Variants in APBA2 observed in about 807,000 individuals in gnomAD.
APBA2 encodes the protein amyloid beta precursor protein binding family A member 2.
APBA2 carries 30 observed loss-of-function variants against 75.0 expected under a neutral mutation model. The observed-to-expected ratio is 0.40, with a 90% CI of 0.30 to 0.54. APBA2 has a LOEUF of 0.54. Ranked by LOEUF, APBA2 falls within the 20% of genes least tolerant of loss-of-function variation. The pLI, the probability that APBA2 is intolerant of heterozygous loss-of-function variation, is 0.49. For synonymous variants in APBA2, 444 were observed against 409.6 expected (o/e 1.08, Z -1.01); for missense variants, 801 against 1,016.1 (o/e 0.79, Z 2.88).
At chr15:29,064,076 G>A (rs1247559313) in intron 4 of APBA2, among the ~76,000 whole-genome samples, 1 of 152,108 alleles carries the variant, frequency 6.6e-6, no homozygotes. Context: ...TGGGAGATGG[G>A]GCAACAGCTG....
intron 6 of APBA2, among the ~76,000 whole-genome samples, chr15:29,085,723 C>T (rs1008510529): frequency 7.2e-5 from 11 of 152,036 alleles, no homozygotes; most frequent in African/African-American, 2.7e-4. Context: ...ACCCAGTAGT[C>T]TTTGATTGTT....
intron 3 of APBA2, among the ~76,000 whole-genome samples, chr15:29,027,911 T>C (rs138176046): frequency 1.4e-4 from 22 of 152,216 alleles, no homozygotes; most frequent in East Asian, 5.8e-4. Context: ...CCTAGTCTTA[T>C]ATTTTTCTAA....
intron 2 of APBA2, among the ~76,000 whole-genome samples, chr15:28,965,416 C>T (rs1290726059): frequency 6.6e-6 from 1 of 152,126 alleles, no homozygotes; most frequent in African/African-American, 2.4e-5. Context: ...GGTGATTTCC[C>T]CAATTTTATT....
Position 28,917,828 on chromosome 15 carries a change from G to A in APBA2, c.-204-3812G>A, listed in dbSNP as rs965964169. Among the ~76,000 whole-genome samples, 77 of 152,144 alleles carry A rather than the reference G, an allele frequency of 5.1e-4. 3 individuals carry two copies. The highest frequency in any genetic ancestry group is 2.9e-5 in the Non-Finnish European group (2 of 68,012). On this transcript the variant is annotated intron_variant, in intron 1 of 14. Transcript: ENST00000683413. ...ACTCTTGTTTTGAGGAGAACTTTTTGTCACATCCTTTTGCACCCCGGCTTA... is the reference window on the plus strand; with the variant it reads ...ACTCTTGTTTTGAGGAGAACTTTTTATCACATCCTTTTGCACCCCGGCTTA...
rs933605886 is a variant in APBA2, at chr15:29,054,927, G to A, written c.951+92G>A. ...GCCTTGCAGATGCTGAAGCGAGGCG[G>A]TGGGGGGTGCTGGGTGCCTCACAGT... On this transcript the variant is annotated intron_variant, in intron 4 of 14. Transcript: ENST00000683413. This position sits in a 1 kb window ranked among gnomAD's most constrained non-coding sequence, Gnocchi z 6.1. The A allele has an allele frequency of 2.8e-5, 36 of 1,277,798 alleles. No individual in the cohort carries two copies. The highest frequency in any genetic ancestry group is 3.6e-5 in the Non-Finnish European group (33 of 913,286). 79.2% of individuals were successfully genotyped at this position (1,277,798 alleles called of 1,614,324 possible).
chr15:28,950,651 A>G (rs1595545500), intron 2 of APBA2, among the ~76,000 whole-genome samples: 2 of 151,854 alleles, frequency 1.3e-5, no homozygotes, highest in Admixed American at 1.3e-4. Flanking sequence ...AAAGCAAAAA[A>G]AGATTACCCC....
At position 28,918,096 on chromosome 15, in the gene APBA2, A is replaced by ATAAGAATCACC. The variant is rs1188144091; in HGVS notation, c.-204-3544_-204-3543insTAAGAATCACC. ...TAAGAATCACCGCGAGTGTTTGCTG[A>ATAAGAATCACC]GCACTTGGGAGGCATAGGCTCGGCG... On this transcript the variant is annotated intron_variant, in intron 1 of 14. Transcript: ENST00000683413. This position sits in a 1 kb window ranked among gnomAD's most constrained non-coding sequence, Gnocchi z 4.2. Among the ~76,000 whole-genome samples, 2 of 152,170 alleles carry ATAAGAATCACC rather than the reference A, an allele frequency of 1.3e-5. No homozygotes were observed. The highest frequency in any genetic ancestry group is 2.9e-5 in the Non-Finnish European group (2 of 68,026).
intron 1 of APBA2, among the ~76,000 whole-genome samples, chr15:28,908,116 C>A (rs566537664): frequency 6.6e-6 from 1 of 152,128 alleles, no homozygotes; most frequent in Non-Finnish European, 1.5e-5. Context: ...GAGCCGTTGT[C>A]CCTGAGCTGT....
intron 2 of APBA2, among the ~76,000 whole-genome samples, chr15:28,980,532 G>T (rs1298657474): frequency 6.6e-6 from 1 of 152,152 alleles, no homozygotes; most frequent in African/African-American, 2.4e-5. Context: ...GGAGGTGAAA[G>T]AAATCAGAGA....
rs373220605 is a variant in APBA2 at position 29,103,940 on chromosome 15, G to A, written c.1525-1439G>A. Among the ~76,000 whole-genome samples, 19 of 152,318 alleles carry A rather than the reference G, an allele frequency of 1.2e-4. No individual in the cohort carries two copies. The South Asian group carries it at 3.7e-3, about 30-fold the overall frequency. On this transcript the variant is annotated intron_variant, in intron 10 of 14. Transcript: ENST00000683413. ...CCGGCGGCGCCATCTGGCGGTCCCC[G>A]GGCGTCGCGCCTCCAGCTGGGTCTG...
At chr15:29,115,483 T>A (rs1341422771) in intron 14 of APBA2, among the ~76,000 whole-genome samples, 1 of 152,042 alleles carries the variant, frequency 6.6e-6, no homozygotes, top group Non-Finnish European at 1.5e-5. Context: ...CCCAAGTAGA[T>A]GCTTTGAAGC....
chr15:29,106,214 G>C (rs2044393489), intron 11 of APBA2, among the ~76,000 whole-genome samples: 1 of 152,170 alleles, frequency 6.6e-6, no homozygotes, highest in African/African-American at 2.4e-5. Context: ...ATATGGGTAT[G>C]GGAGCCTGAG....
intron 3 of APBA2, among the ~76,000 whole-genome samples, chr15:29,042,053 A>G (rs1293899007): frequency 6.6e-6 from 1 of 152,074 alleles, no homozygotes; most frequent in Non-Finnish European, 1.5e-5. Context: ...GTGCCTCATG[A>G]GGGCTGTGAG....
At chr15:29,068,187 T>C (rs2042459393) in intron 4 of APBA2, among the ~76,000 whole-genome samples, 1 of 152,190 alleles carries the variant, frequency 6.6e-6, no homozygotes, top group African/African-American at 2.4e-5. Context: ...GAGCCTCTGA[T>C]AAAGTCACGC....
chr15:28,889,815 A>G (rs2032009547), intron 1 of APBA2, among the ~76,000 whole-genome samples: 1 of 152,176 alleles, frequency 6.6e-6, no homozygotes, highest in African/African-American at 2.4e-5. Flanking sequence ...TGAAAGCCCT[A>G]CATAAATTGG....
At chr15:28,900,195 G>T (rs972287969) in intron 1 of APBA2, among the ~76,000 whole-genome samples, 2 of 152,180 alleles carry the variant, frequency 1.3e-5, no homozygotes, top group African/African-American at 2.4e-5. Flanking sequence ...AGCCTCCTCC[G>T]CCTGGACTCA....
At chr15:29,038,643 T>C (rs977899315) in intron 3 of APBA2, among the ~76,000 whole-genome samples, 1 of 150,740 alleles carries the variant, frequency 6.6e-6, no homozygotes, top group African/African-American at 2.4e-5. Context: ...ACTTCCTATT[T>C]GGCTCTGTCC....
At chr15:29,108,593 A>G (rs1310223630) in intron 13 of APBA2, 8 of 747,924 alleles carry the variant, frequency 1.1e-5, no homozygotes, top group Non-Finnish European at 1.5e-5. Context: ...GGGCCAGGGC[A>G]TGGCCGTGGA....
rs1418508466 is a variant in APBA2, at chr15:28,987,741, T to TATAG, written c.-94-8009_-94-8008insGATA. On this transcript the variant is annotated intron_variant, in intron 2 of 14. Coordinates refer to ENST00000683413, the MANE Select transcript of APBA2 (RefSeq NM_001353788.2). ...ATATGTGGAGAGAGATATATATATA[T>TATAG]ATATATATATATTCTTTTTTTTTTT... 1.8e-3 allele frequency among the ~76,000 whole-genome samples: 252 copies of TATAG among 139,372 alleles called. 8 individuals carry two copies. Among genetic ancestry groups the TATAG allele is most frequent in the African/African-American group, 6.9e-3 (250 of 36,326 alleles). 91.4% of individuals were successfully genotyped at this position (139,372 alleles called of 152,430 possible). A position where few individuals can be genotyped will look rare whatever the true frequency, so the allele number is the denominator to read the frequency against.
Sources: gnomAD v4.1 joint callset for allele counts (sites outside exome capture counted in the v4.1 genomes callset) on GRCh38, gnomAD v4.1.1 for gene constraint, Gnocchi (gnomAD v3.1) non-coding constraint, MANE v1.5 for transcripts, NCBI Gene and HGNC (gene_info 2026-07-23, HGNC 2026-07-21) for gene names.